The following MYO9A variants were observed in gnomAD, a reference collection of about 807,000 sequenced individuals.
The protein encoded by MYO9A is myosin IXA.
MYO9A carries 103 observed loss-of-function variants against 293.3 expected under a neutral mutation model. The observed-to-expected ratio is 0.35, with a 90% CI of 0.30 to 0.41. The LOEUF is 0.41. Among genes scored for constraint, MYO9A ranks in the 10% least tolerant of loss-of-function variants. The pLI is 1.00. For missense variants in MYO9A, 2,685 were observed against 3,033.0 expected (o/e 0.89, Z 2.69); for synonymous variants, 1,001 against 1,035.7 (o/e 0.97, Z 0.64).
chr15:71,908,365 G>A (rs1168109522), intron 19 of MYO9A, among the ~76,000 whole-genome samples: 1 of 152,072 alleles, frequency 6.6e-6, no homozygotes, highest in Non-Finnish European at 1.5e-5. Flanking sequence ...AGGTTTCACC[G>A]TGTTAGCCAG....
intron 1 of MYO9A, among the ~76,000 whole-genome samples, chr15:72,065,588 C>T (rs1173401254): frequency 7.1e-6 from 1 of 139,876 alleles, no homozygotes; most frequent in East Asian, 2.2e-4. Context: ...ACAAAAAAAA[C>T]ACACTAGGTA....
At chr15:72,011,041 T>C (rs1485975293) in intron 6 of MYO9A, among the ~76,000 whole-genome samples, 1 of 151,914 alleles carries the variant, frequency 6.6e-6, no homozygotes, top group African/African-American at 2.4e-5. Context: ...CAGGGTCTCA[T>C]TCCTGTTGCT....
At chr15:72,061,051 A>G (rs1265568069) in intron 1 of MYO9A, among the ~76,000 whole-genome samples, 3 of 152,190 alleles carry the variant, frequency 2.0e-5, no homozygotes, top group African/African-American at 7.2e-5. Flanking sequence ...TACATCCCAG[A>G]TAACATTCCT....
At position 72,109,361 on chromosome 15, in the gene MYO9A, G is replaced by C. The variant is rs184338764; in HGVS notation, c.-72+8319C>G. On this transcript the variant is annotated intron_variant, in intron 1 of 41. Coordinates refer to ENST00000356056, the MANE Select transcript of MYO9A (RefSeq NM_006901.4). ...GCCAAGATCATGCCACTGCACTCCA[G>C]CCTGGGTGACAGAGCAAGGCTCTGT... Among the ~76,000 whole-genome samples, 651 of 150,676 alleles carry C rather than the reference G, an allele frequency of 4.3e-3. 4 individuals are homozygous for C. The highest frequency in any genetic ancestry group is 0.015 in the African/African-American group (608 of 40,926).
At chr15:71,880,629 T>G in intron 28 of MYO9A, 71 bp from the exon 29 acceptor site, 1 of 1,340,516 alleles carries the variant, frequency 7.5e-7, no homozygotes, top group Non-Finnish European at 1.0e-6. Context: ...CATCCTTCTT[T>G]TTAAAGTTCC....
intron 33 of MYO9A, among the ~76,000 whole-genome samples, chr15:71,862,139 A>C (rs1380011499): frequency 6.6e-6 from 1 of 152,074 alleles, no homozygotes; most frequent in Non-Finnish European, 1.5e-5. Context: ...CTCAAAAACA[A>C]AAAAAAGAAT....
chr15:71,910,102 G>GTGTATATATACACGTGTA (rs1555478324), intron 19 of MYO9A, among the ~76,000 whole-genome samples: 5 of 133,934 alleles, frequency 3.7e-5, no homozygotes, highest in African/African-American at 1.1e-4. Context: ...ATATATATAC[G>GTGTATATATACACGTGTA]TATATATATA....
chr15:71,999,918 T>G lies in MYO9A; in HGVS notation c.1403A>C (p.Glu468Ala). ...CACCGTCTTCCTTGTAACTAATGCT[T>G]CAAATAGCATCTCTTCTTTAACCTA... ...LLEVKEEMLF[E>A]ALVTRKTVTV... Residue 468 changes from glutamate (E) to alanine (A), a missense_variant, in exon 9 of 42, where the codon GAA becomes GCA. Around this residue, in one of 10 missense-constraint regions of MYO9A, gnomAD observed 289 missense variants for 456.8 expected, o/e 0.63. Coordinates refer to ENST00000356056, the MANE Select transcript of MYO9A (RefSeq NM_006901.4). 1 of 1,612,132 alleles carries G rather than the reference T, an allele frequency of 6.2e-7. No homozygotes were observed. Among genetic ancestry groups the G allele is most frequent in the Non-Finnish European group, 8.5e-7 (1 of 1,179,248 alleles).
chr15:72,011,542 G>A (rs528890818), intron 6 of MYO9A, among the ~76,000 whole-genome samples: 16 of 152,014 alleles, frequency 1.1e-4, no homozygotes, highest in South Asian at 2.1e-4. Context: ...TAGGAGGATT[G>A]CTTGAGCTCA....
intron 15 of MYO9A, among the ~76,000 whole-genome samples, chr15:71,951,180 C>A (rs1486990849): frequency 6.6e-6 from 1 of 152,158 alleles, no homozygotes; most frequent in Admixed American, 6.5e-5. Context: ...GGCTGAAGCA[C>A]TGCAATCAAA....
chr15:71,951,936 A>C (rs759902835), intron 14 of MYO9A, 40 bp from the exon 15 acceptor site: 1 of 1,554,508 alleles, frequency 6.4e-7, no homozygotes. Flanking sequence ...AAAAAGGAGA[A>C]AAGAAAAAGA....
Position 72,117,934 on chromosome 15 carries a change from T to C in MYO9A, c.-326A>G. 3 of 400,564 alleles carry C rather than the reference T, an allele frequency of 7.5e-6. No individual in the cohort carries two copies. The highest frequency in any genetic ancestry group is 1.3e-5 in the Non-Finnish European group (3 of 227,866). The allele number at this position is 400,564 out of a possible 1,614,324, so 24.8% of individuals were successfully genotyped here. ...CCGCACCCCGCCCAGAGAGCACGCG[T>C]TGGACCGCCGCCTCAACCGCTGCCA... is the stretch of plus-strand genomic sequence containing the variant. On this transcript the variant is annotated 5_prime_UTR_variant, in exon 1 of 42. Transcript: ENST00000356056.
chr15:71,938,535 A>G (rs1430471782), intron 16 of MYO9A, among the ~76,000 whole-genome samples: 1 of 152,176 alleles, frequency 6.6e-6, no homozygotes, highest in Admixed American at 6.5e-5. Flanking sequence ...CACAGAAAGC[A>G]GCGGAATAAC....
intron 39 of MYO9A, among the ~76,000 whole-genome samples, chr15:71,843,558 GGCTCACT>G (rs1429587216): frequency 6.6e-6 from 1 of 152,134 alleles, no homozygotes; most frequent in Non-Finnish European, 1.5e-5. Flanking sequence ...GTGCTATGTT[GGCTCACT>G]GCAACCTCTG....
chr15:72,043,083 A>C (rs531366464), intron 2 of MYO9A, among the ~76,000 whole-genome samples: 21 of 152,182 alleles, frequency 1.4e-4, no homozygotes, highest in Admixed American at 3.3e-4. Context: ...AACAAACAAA[A>C]AAAAAAGGTT....
chr15:71,831,825 A>G (rs1314051279), intron 39 of MYO9A, among the ~76,000 whole-genome samples: 1 of 152,186 alleles, frequency 6.6e-6, no homozygotes, highest in African/African-American at 2.4e-5. Context: ...GAAAACAGAA[A>G]CCCTAAAAGA....
intron 11 of MYO9A, among the ~76,000 whole-genome samples, chr15:71,981,186 T>C (rs914061475): frequency 6.6e-6 from 1 of 152,254 alleles, no homozygotes; most frequent in Non-Finnish European, 1.5e-5. Context: ...ATGGATTTTA[T>C]TAATGTTTGT....
chr15:71,906,758 C>CTTTTTTTTTTTTTTCTTTTTTTTTTTTTT (rs2057659301), intron 19 of MYO9A, among the ~76,000 whole-genome samples: 1 of 61,012 alleles, frequency 1.6e-5, no homozygotes, highest in African/African-American at 6.4e-5. Flanking sequence ...CCATTTCTTT[C>CTTTTTTTTTTTTTTCTTTTTTTTTTTTTT]TTTTTTTTTT....
At chr15:71,961,309 G>A (rs1369295997) in intron 13 of MYO9A, among the ~76,000 whole-genome samples, 1 of 152,104 alleles carries the variant, frequency 6.6e-6, no homozygotes, top group East Asian at 1.9e-4. Context: ...TTTGGGGTTG[G>A]GTATTTAGTG....
Sources: gnomAD v4.1 joint callset for allele counts (sites outside exome capture counted in the v4.1 genomes callset) on GRCh38, gnomAD v4.1.1 for gene constraint, gnomAD v4.1.1 regional missense constraint, MANE v1.5 for transcripts, NCBI Gene and HGNC (gene_info 2026-07-23, HGNC 2026-07-21) for gene names.